The following F13B variants were observed in gnomAD, a reference collection of about 807,000 sequenced individuals.
F13B encodes coagulation factor XIII B chain, also known as TGase.
F13B carries 58 observed loss-of-function variants against 79.8 expected under a neutral mutation model. That is an observed-to-expected ratio of 0.73 (90% CI 0.59 to 0.90). F13B has a LOEUF of 0.90. Ranked by LOEUF, F13B falls within the 40% of genes least tolerant of loss-of-function variation. The pLI is 0.00. For synonymous variants in F13B, 283 were observed against 260.3 expected (o/e 1.09, Z -0.84); for missense variants, 773 against 777.0 (o/e 0.99, Z 0.06).
chr1:197,043,996 A>T (rs879373333), intron 10 of F13B, among the ~76,000 whole-genome samples: 5 of 151,780 alleles, frequency 3.3e-5, no homozygotes, highest in Non-Finnish European at 7.4e-5. Context: ...TCTCCCTGGG[A>T]GCTGCAGACC....
intron 9 of F13B, 118 bp downstream of exon 9, chr1:197,052,516 A>C (rs55734742): frequency 8.7e-6 from 6 of 692,632 alleles, no homozygotes; most frequent in Non-Finnish European, 1.4e-5. Flanking sequence ...AAATAAAATA[A>C]AACAAAATTA....
intron 1 of F13B, among the ~76,000 whole-genome samples, chr1:197,064,834 G>T (rs925098939): frequency 6.6e-6 from 1 of 152,146 alleles, no homozygotes; most frequent in Non-Finnish European, 1.5e-5. Flanking sequence ...TAGGAGCTGT[G>T]GTGGGAAGAA....
At chr1:197,052,915 C>T (rs1242373073) in intron 8 of F13B, 81 bp from the exon 9 acceptor site, 2 of 1,100,234 alleles carry the variant, frequency 1.8e-6, no homozygotes, top group African/African-American at 3.1e-5. Context: ...AAAATTATGA[C>T]AAGTTTCAAA....
intron 5 of F13B, among the ~76,000 whole-genome samples, chr1:197,060,000 C>G (rs1655794154): frequency 6.6e-6 from 1 of 152,054 alleles, no homozygotes; most frequent in Non-Finnish European, 1.5e-5. Context: ...ATTTTTACAT[C>G]TGGAAATATG....
Position 197,039,223 on chromosome 1 carries a change from A to G in F13B, c.*155T>C, listed in dbSNP as rs1654948629. On this transcript the variant is annotated 3_prime_UTR_variant, in exon 12 of 12. Coordinates refer to ENST00000367412, the MANE Select transcript of F13B (RefSeq NM_001994.3). ...AAAAATTAGACATTTATTGGTTTTC[A>G]TTTATAAATAACGAAATGTTCAGCA... 9.1e-6 allele frequency: 6 copies of G among 656,508 alleles called. No homozygotes were observed. Among genetic ancestry groups the G allele is most frequent in the Admixed American group, 2.6e-5 (1 of 38,694 alleles). 40.7% of individuals were successfully genotyped at this position (656,508 alleles called of 1,614,324 possible).
chr1:197,057,834 G>A (rs913629465), intron 5 of F13B, among the ~76,000 whole-genome samples: 33 of 152,302 alleles, frequency 2.2e-4, no homozygotes, highest in African/African-American at 7.9e-4. Flanking sequence ...TGCAAGGCAA[G>A]GGGCAGAGGG....
At chr1:197,066,490 T>C (rs977314861) in intron 1 of F13B, among the ~76,000 whole-genome samples, 1 of 152,152 alleles carries the variant, frequency 6.6e-6, no homozygotes, top group Non-Finnish European at 1.5e-5. Context: ...ATCTTACACA[T>C]TGGGCAATCT....
At chr1:197,048,094 C>T (rs890042430) in intron 10 of F13B, among the ~76,000 whole-genome samples, 4 of 151,404 alleles carry the variant, frequency 2.6e-5, no homozygotes, top group African/African-American at 9.7e-5. Flanking sequence ...ATGTAACAAA[C>T]CTGCACATTG....
chr1:197,061,256 C>T (rs1247588533), intron 3 of F13B, among the ~76,000 whole-genome samples, 181 bp from the exon 4 acceptor site: 1 of 152,050 alleles, frequency 6.6e-6, no homozygotes, highest in African/African-American at 2.4e-5. Context: ...TGTGACCTAA[C>T]TCTACCAGTT....
Position 197,057,080 on chromosome 1 carries a change from G to A in F13B, c.1104C>T (p.Tyr368=). 6.2e-7 allele frequency: 1 copy of A among 1,613,762 alleles called. No homozygotes were observed. The change falls in exon 7 of 12, where the codon TAC becomes TAT. Residue 368 remains tyrosine (Y), a synonymous_variant. Coordinates refer to ENST00000367412, the MANE Select transcript of F13B (RefSeq NM_001994.3). The part of the protein sequence containing the change: ...DKVTYACKSG[Y]LLHGSNEITC... ...TTATCTCATTCGATCCATGGAGAAGGTAGCCGCTTTTACATGCATATGTCA... is the reference window on the plus strand; with the variant it reads ...TTATCTCATTCGATCCATGGAGAAGATAGCCGCTTTTACATGCATATGTCA...
chr1:197,048,407 A>G (rs987731773), intron 10 of F13B, among the ~76,000 whole-genome samples: 5 of 151,984 alleles, frequency 3.3e-5, no homozygotes, highest in Admixed American at 2.6e-4. Flanking sequence ...AAAAGTAAAA[A>G]CCCAGAAGGT....
At chr1:197,049,589 C>T (rs1322565119) in intron 10 of F13B, among the ~76,000 whole-genome samples, 8 of 151,964 alleles carry the variant, frequency 5.3e-5, no homozygotes, top group Non-Finnish European at 1.2e-4. Flanking sequence ...TGTCTTTTCA[C>T]GGAAAAACTC....
Position 197,050,856 on chromosome 1 carries a change from G to C in F13B, c.1579C>G (p.Pro527Ala). 1 of 1,613,116 alleles carries C rather than the reference G, an allele frequency of 6.2e-7. No homozygotes were observed. The highest frequency in any genetic ancestry group is 1.1e-5 in the South Asian group (1 of 91,058). The change falls in exon 10 of 12, where the codon CCT becomes GCT. Residue 527 changes from proline to alanine, a missense_variant. Coordinates refer to ENST00000367412, the MANE Select transcript of F13B (RefSeq NM_001994.3). ...ATGACTCCATGTTTAATAAGAGGAG[G>C]AGATGTGCACATTCCTTTAGATTCT... Reference protein sequence around the residue: ...RKESKGMCTSPPLIKHGVIIS... With the variant: ...RKESKGMCTSAPLIKHGVIIS...
Position 197,039,326 on chromosome 1 carries a change from T to C in F13B, c.*52A>G. The C allele has an allele frequency of 6.9e-7, 1 of 1,440,610 alleles. No individual in the cohort carries two copies. Among genetic ancestry groups the C allele is most frequent in the Non-Finnish European group, 9.7e-7 (1 of 1,030,126 alleles). 89.2% of individuals were successfully genotyped at this position (1,440,610 alleles called of 1,614,324 possible). A position where few individuals can be genotyped will look rare whatever the true frequency, so the allele number is the denominator to read the frequency against. On this transcript the variant is annotated 3_prime_UTR_variant, in exon 12 of 12. Coordinates refer to ENST00000367412, the MANE Select transcript of F13B (RefSeq NM_001994.3). ...CTTATTTCCTCAAAATTATATTTTATAAGGAATTTCATGATGTATTGAAAT... is the reference window on the plus strand; with the variant it reads ...CTTATTTCCTCAAAATTATATTTTACAAGGAATTTCATGATGTATTGAAAT...
Position 197,062,901 on chromosome 1 carries a change from G to T in F13B, c.221C>A (p.Thr74Asn). Residue 74 changes from threonine (T) to asparagine (N), a missense_variant, in exon 2 of 12, where the codon ACC becomes AAC. Coordinates refer to ENST00000367412, the MANE Select transcript of F13B (RefSeq NM_001994.3). ...AGACCAGCCTTCTGTTGTACACGTG[G>T]TTTGCTCTTCTTGTCTTCCACTTTC... ...TTESGRQEEQ[T>N]TCTTEGWSPE... 1 of 1,613,854 alleles carries T rather than the reference G, an allele frequency of 6.2e-7. No homozygotes were observed. The highest frequency in any genetic ancestry group is 8.5e-7 in the Non-Finnish European group (1 of 1,179,810).
chr1:197,059,887 G>A (rs1655790594), intron 5 of F13B, among the ~76,000 whole-genome samples: 1 of 151,848 alleles, frequency 6.6e-6, no homozygotes, highest in African/African-American at 2.4e-5. Flanking sequence ...TACATTTTTG[G>A]GCAGCTTTTA....
rs1460947599 is a variant in F13B at position 197,039,431 on chromosome 1, A to AT, written c.1953-21dup. 6.2e-7 allele frequency: 1 copy of AT among 1,605,246 alleles called. No homozygotes were observed. The highest frequency in any genetic ancestry group is 1.7e-5 in the Admixed American group (1 of 59,798). ...AGAGTGCTTGAGGGGAAAAAGAGAG[A>AT]TTTTTGAAATAAGCATCAATTGCAG... On this transcript the variant is annotated intron_variant, in intron 11 of 11. Transcript: ENST00000367412.
rs201977522 is a variant in F13B, at chr1:197,057,372, A to G, written c.899T>C (p.Ile300Thr). 7.5e-5 allele frequency: 121 copies of G among 1,613,978 alleles called. No individual in the cohort carries two copies. The African/African-American group carries it at 1.4e-3, about 19-fold the overall frequency. ...TTYRHGEIVH[I>T]ECELNFEIHG... ...GATCTCAAAATTAAGTTCACATTCTATATGAACTATTTCTCCATGACGATA... is the reference window on the plus strand; with the variant it reads ...GATCTCAAAATTAAGTTCACATTCTGTATGAACTATTTCTCCATGACGATA... The change falls in exon 6 of 12, where the codon ATA (isoleucine) becomes ACA (threonine). Residue 300 changes from isoleucine to threonine, a missense_variant. By Grantham distance (89) the Ile-to-Thr change is moderately conservative. Coordinates refer to ENST00000367412, the MANE Select transcript of F13B (RefSeq NM_001994.3).
At chr1:197,063,873 G>A (rs1319547750) in intron 1 of F13B, among the ~76,000 whole-genome samples, 1 of 151,954 alleles carries the variant, frequency 6.6e-6, no homozygotes, top group African/African-American at 2.4e-5. Context: ...GCTATATGTG[G>A]CTGATGGCCA....
Sources: gnomAD v4.1 joint callset for allele counts (sites outside exome capture counted in the v4.1 genomes callset) on GRCh38, gnomAD v4.1.1 for gene constraint, MANE v1.5 for transcripts, NCBI Gene and HGNC (gene_info 2026-07-23, HGNC 2026-07-21) for gene names.